The following DOCK1 variants were observed in gnomAD, a reference collection of about 807,000 sequenced individuals.
The protein encoded by DOCK1 is dedicator of cytokinesis protein 1.
DOCK1 carries 138 observed loss-of-function variants against 262.7 expected under a neutral mutation model. That is an observed-to-expected ratio of 0.53 (90% CI 0.46 to 0.61). DOCK1 has a LOEUF of 0.61. Ranked by LOEUF, DOCK1 falls within the 20% of genes least tolerant of loss-of-function variation. The pLI, the probability that DOCK1 is intolerant of heterozygous loss-of-function variation, is 0.00. For synonymous variants in DOCK1, 866 were observed against 867.4 expected, an observed-to-expected ratio of 1.00 and a Z score of 0.03; for missense variants, 1,908 against 2,370.7, an observed-to-expected ratio of 0.80 and a Z score of 4.05.
intron 27 of DOCK1, among the ~76,000 whole-genome samples, chr10:127,172,157 TCAGATCTGGTACATAA>T (rs1207110754): frequency 6.6e-6 from 1 of 152,204 alleles, no homozygotes; most frequent in Admixed American, 6.6e-5. Context: ...ACTTCCCAGT[TCAGATCTGGTACATAA>T]AGTAAGCCCT....
In DOCK1 at chr10:127,374,154, T is replaced by C. The variant is rs770389109; in HGVS notation, c.3615T>C (p.Tyr1205=). The change falls in exon 35 of 52, where the codon TAT becomes TAC. Residue 1205 remains tyrosine, a synonymous_variant. Transcript: ENST00000623213. ...VVRLMERLLD[Y]RTIMHDENKE... ...GCTTAATGGAAAGGCTTTTGGATTA[T>C]AGAACCATCATGCACGACGAGAACA... The C allele has an allele frequency of 3.4e-5, 55 of 1,613,758 alleles. No individual in the cohort carries two copies. The highest frequency in any genetic ancestry group is 5.3e-5 in the African/African-American group (4 of 74,932).
At chr10:127,167,970 G>A (rs1191286335) in intron 27 of DOCK1, among the ~76,000 whole-genome samples, 1 of 152,174 alleles carries the variant, frequency 6.6e-6, no homozygotes, top group Non-Finnish European at 1.5e-5. Context: ...AACTTACTGA[G>A]TGCAAACATA....
intron 1 of DOCK1, among the ~76,000 whole-genome samples, chr10:126,921,169 C>T (rs1178259727): frequency 1.4e-5 from 2 of 146,362 alleles, no homozygotes; most frequent in Non-Finnish European, 3.0e-5. Flanking sequence ...CATTGCACTC[C>T]AGTCTGAGCA....
intron 29 of DOCK1, among the ~76,000 whole-genome samples, chr10:127,294,756 G>A (rs1453987750): frequency 6.6e-6 from 1 of 151,020 alleles, no homozygotes; most frequent in African/African-American, 2.4e-5. Context: ...TCAAGTGATT[G>A]TCCTGCCTCA....
rs956007958 is a variant in DOCK1, at chr10:127,444,213, C to T, written c.5347C>T (p.Pro1783Ser). ...ERRFSVSPSS[P>S]SSQQTPPPVT... ...GCGCTTCTCGGTGTCCCCCTCGTCA[C>T]CGTCCTCCCAGCAAACACCCCCTCC... Residue 1783 changes from proline (P) to serine (S), a missense_variant, in exon 50 of 52, where the codon CCG (proline) becomes TCG (serine). Physicochemically the swap from Pro to Ser is moderately conservative, Grantham distance 74. Coordinates refer to ENST00000623213, the MANE Select transcript of DOCK1 (RefSeq NM_001290223.2). 1.2e-6 allele frequency: 2 copies of T among 1,611,430 alleles called. No homozygotes were observed. The highest frequency in any genetic ancestry group is 1.7e-5 in the Admixed American group (1 of 59,790).
intron 31 of DOCK1, among the ~76,000 whole-genome samples, chr10:127,345,270 G>A (rs768836235): frequency 1.3e-5 from 2 of 152,182 alleles, no homozygotes; most frequent in Non-Finnish European, 2.9e-5. Context: ...AGCATTTCAT[G>A]TGCATTTTTC....
chr10:127,403,436 C>G (rs1003841383), intron 39 of DOCK1, among the ~76,000 whole-genome samples: 2 of 152,200 alleles, frequency 1.3e-5, no homozygotes, highest in South Asian at 4.1e-4. Flanking sequence ...CTTGACAGCC[C>G]AGGAGTCTGT....
chr10:127,339,625 T>TTGTGTGTGTG (rs754796831), intron 30 of DOCK1, among the ~76,000 whole-genome samples: 3 of 139,520 alleles, frequency 2.2e-5, no homozygotes, highest in African/African-American at 5.2e-5. Context: ...GTGTGTGTGT[T>TTGTGTGTGTG]TGTGTGTGTG....
At chr10:126,979,378 C>G (rs1210091342) in intron 3 of DOCK1, among the ~76,000 whole-genome samples, 2 of 152,112 alleles carry the variant, frequency 1.3e-5, no homozygotes, top group Non-Finnish European at 2.9e-5. Context: ...TAGTGTGTAT[C>G]TGCAGATGAA....
chr10:127,030,515 A>G (rs149288683), intron 16 of DOCK1, among the ~76,000 whole-genome samples: 395 of 152,276 alleles, frequency 2.6e-3, no homozygotes, highest in Admixed American at 5.5e-3. Flanking sequence ...TCTCAGAGAG[A>G]TGTCTTCTGA....
chr10:126,943,249 T>C (rs2035154629), intron 1 of DOCK1, among the ~76,000 whole-genome samples: 1 of 152,194 alleles, frequency 6.6e-6, no homozygotes. Flanking sequence ...AGAGACTCCA[T>C]CTCAAAAAAT....
chr10:127,223,209 A>G (rs2058508119), intron 27 of DOCK1, among the ~76,000 whole-genome samples: 1 of 152,216 alleles, frequency 6.6e-6, no homozygotes, highest in Non-Finnish European at 1.5e-5. Context: ...TTGGAACAAC[A>G]TAAATCAGCA....
chr10:127,000,528 T>A (rs1478462890), intron 10 of DOCK1: 1 of 623,636 alleles, frequency 1.6e-6, no homozygotes, highest in Non-Finnish European at 2.5e-6. Context: ...AATCATATAT[T>A]TGGTTTTAAA....
intron 23 of DOCK1, among the ~76,000 whole-genome samples, chr10:127,086,429 G>A (rs573809938): frequency 6.6e-6 from 1 of 152,102 alleles, no homozygotes; most frequent in African/African-American, 2.4e-5. Flanking sequence ...GATTTTAGAA[G>A]TTACCTGGCA....
chr10:127,416,517 C>A (rs994446852), intron 44 of DOCK1, among the ~76,000 whole-genome samples: 2 of 152,176 alleles, frequency 1.3e-5, no homozygotes, highest in East Asian at 3.9e-4. Flanking sequence ...CGTGAGGATG[C>A]AGCTTCTCCT....
chr10:127,214,802 GC>G (rs777494960), intron 27 of DOCK1, among the ~76,000 whole-genome samples: 2 of 152,168 alleles, frequency 1.3e-5, no homozygotes, highest in Non-Finnish European at 2.9e-5. Flanking sequence ...GGTCTACACA[GC>G]AATAGTAATA....
In DOCK1 at chr10:127,437,104, A is replaced by T. The variant is rs564193008; in HGVS notation, c.5061-1923A>T. Among the ~76,000 whole-genome samples the T allele has an allele frequency of 4.2e-4, 64 of 152,296 alleles. 1 individual carries two copies. The highest frequency in any genetic ancestry group is 1.3e-3 in the African/African-American group (56 of 41,570). On this transcript the variant is annotated intron_variant, in intron 48 of 51. Coordinates refer to ENST00000623213, the MANE Select transcript of DOCK1 (RefSeq NM_001290223.2). This position sits in a 1 kb window ranked among gnomAD's most constrained non-coding sequence, Gnocchi z 4.4. ...TGGTTGAATCTAGCGATTTGATCAG[A>T]TTCAGATTTGATTTAGGGACAAGAT...
intron 10 of DOCK1, among the ~76,000 whole-genome samples, chr10:127,002,107 T>G (rs976843047): frequency 5.9e-5 from 9 of 152,254 alleles, no homozygotes; most frequent in Admixed American, 5.9e-4. Flanking sequence ...TCTAGTGTTA[T>G]ATTTAAAATG....
intron 29 of DOCK1, among the ~76,000 whole-genome samples, chr10:127,326,465 C>T (rs959094897): frequency 2.0e-5 from 3 of 152,220 alleles, no homozygotes; most frequent in African/African-American, 4.8e-5. Flanking sequence ...GTGGGAACTC[C>T]TTATCCATCC....
Sources: allele counts gnomAD v4.1 joint callset (sites outside exome capture counted in the v4.1 genomes callset), GRCh38; gene constraint gnomAD v4.1.1; non-coding constraint Gnocchi (gnomAD v3.1); transcripts MANE v1.5; gene names NCBI Gene and HGNC (gene_info 2026-07-23, HGNC 2026-07-21).